FRMPD4: variants seen among roughly 807,000 people sequenced by gnomAD.
The protein encoded by FRMPD4 is FERM and PDZ domain containing 4.
A neutral mutation model predicts 94.1 loss-of-function variants in FRMPD4; 22 were observed. The ratio of observed to expected loss-of-function variants is 0.23; its 90% confidence interval spans 0.17 to 0.33. The LOEUF is 0.33. Ranked by LOEUF, FRMPD4 falls within the 10% of genes least tolerant of loss-of-function variation. The pLI is 1.00. For missense variants in FRMPD4, 1,111 were observed against 1,339.9 expected, an observed-to-expected ratio of 0.83 and a Z score of 2.67; for synonymous variants, 631 against 548.6, an observed-to-expected ratio of 1.15 and a Z score of -2.10.
At chrX:12,032,439 A>G (rs2054697439) in intron 3 of FRMPD4, among the ~76,000 whole-genome samples, 1 of 112,519 alleles carries the variant, frequency 8.9e-6, no homozygotes, top group South Asian at 3.7e-4. Context: ...CCTTTGATTT[A>G]GCAAGAAAGT....
chrX:12,594,521 C>T (rs761768447), intron 2 of FRMPD4, among the ~76,000 whole-genome samples: 1 of 110,498 alleles, frequency 9.0e-6, no homozygotes, highest in African/African-American at 3.3e-5. Flanking sequence ...CTGCAACCTC[C>T]GCCTCCCGGG....
At chrX:12,018,625 C>T (rs75371998) in intron 3 of FRMPD4, among the ~76,000 whole-genome samples, 1 of 110,028 alleles carries the variant, frequency 9.1e-6, no homozygotes, top group African/African-American at 3.3e-5. Context: ...CCATGTTGGC[C>T]GGGCTGGTCT....
chrX:12,642,850 C>A (rs979738533), intron 4 of FRMPD4, among the ~76,000 whole-genome samples: 26 of 112,141 alleles, frequency 2.3e-4, no homozygotes, highest in Non-Finnish European at 4.1e-4. Context: ...CTGCATTGAG[C>A]TGTGGTAGTG....
intron 5 of FRMPD4, among the ~76,000 whole-genome samples, chrX:12,678,845 C>G (rs1050618516): frequency 4.5e-5 from 5 of 112,211 alleles, no homozygotes; most frequent in Non-Finnish European, 9.4e-5. Context: ...AAAAGAGTTT[C>G]TACAACTTCC....
intron 3 of FRMPD4, among the ~76,000 whole-genome samples, chrX:11,962,802 A>G (rs148053438): frequency 0.01 from 1,153 of 112,016 alleles, 12 homozygotes; most frequent in African/African-American, 0.036. Context: ...AGCACCACAG[A>G]GCAGAATCTG....
At chrX:12,125,005 G>A (rs1205080270) in intron 3 of FRMPD4, among the ~76,000 whole-genome samples, 2 of 112,014 alleles carry the variant, frequency 1.8e-5, no homozygotes, top group Non-Finnish European at 3.8e-5. Context: ...TTTCATCCTC[G>A]TTTCCGTTGA....
chrX:12,531,003 G>C (rs937104901), intron 2 of FRMPD4, among the ~76,000 whole-genome samples: 4 of 111,581 alleles, frequency 3.6e-5, no homozygotes, highest in African/African-American at 1.3e-4. Flanking sequence ...GGACAGAACG[G>C]ATAGAAGGAA....
chrX:12,401,442 T>A (rs2056608011), intron 1 of FRMPD4, among the ~76,000 whole-genome samples: 1 of 111,159 alleles, frequency 9.0e-6, no homozygotes, highest in African/African-American at 3.3e-5. Context: ...GTGAGGACAG[T>A]CTGAGGACAG....
intron 2 of FRMPD4, among the ~76,000 whole-genome samples, chrX:11,867,797 T>G (rs910971795): frequency 9.0e-6 from 1 of 110,900 alleles, no homozygotes; most frequent in Non-Finnish European, 1.9e-5. Flanking sequence ...ACACCAGTCT[T>G]GTGCTTATTC....
intron 1 of FRMPD4, among the ~76,000 whole-genome samples, chrX:12,422,996 A>G (rs1027920698): frequency 9.0e-6 from 1 of 111,249 alleles, no homozygotes; most frequent in African/African-American, 3.3e-5. Context: ...TTGAGGGGAA[A>G]GGGTTTTCTT....
At chrX:12,419,908 G>A (rs762176690) in intron 1 of FRMPD4, among the ~76,000 whole-genome samples, 16 of 110,791 alleles carry the variant, frequency 1.4e-4, no homozygotes, top group Non-Finnish European at 2.3e-4. Context: ...AAAGGTTAAC[G>A]ACCTGTGGGG....
chrX:12,521,137 C>G (rs1369420719), intron 2 of FRMPD4, among the ~76,000 whole-genome samples: 1 of 112,371 alleles, frequency 8.9e-6, no homozygotes, highest in Non-Finnish European at 1.9e-5. Context: ...TATTCTTTAA[C>G]CACTAAAATA....
chrX:12,571,600 C>T (rs1449953752), intron 2 of FRMPD4, among the ~76,000 whole-genome samples: 1 of 112,798 alleles, frequency 8.9e-6, no homozygotes, highest in Non-Finnish European at 1.9e-5. Flanking sequence ...ATAATCAGGC[C>T]ATGTTCTGGC....
intron 4 of FRMPD4, among the ~76,000 whole-genome samples, chrX:12,653,528 A>G (rs767558032): frequency 8.9e-6 from 1 of 111,956 alleles, no homozygotes; most frequent in Non-Finnish European, 1.9e-5. Flanking sequence ...AGACAGGGGT[A>G]TTCAGGGCTC....
intron 3 of FRMPD4, among the ~76,000 whole-genome samples, chrX:12,039,634 A>T (rs1329142408): frequency 2.7e-5 from 3 of 110,990 alleles, no homozygotes; most frequent in African/African-American, 9.8e-5. Flanking sequence ...GTGGATCAGA[A>T]TATGATCTAT....
intron 3 of FRMPD4, among the ~76,000 whole-genome samples, chrX:11,914,364 A>C (rs766703672): frequency 1.9e-5 from 2 of 107,241 alleles, no homozygotes; most frequent in South Asian, 8.5e-4. Context: ...TCTGGGGCTG[A>C]AAACTCAAAT....
rs183392240 is a variant in FRMPD4 at position 12,398,967 on chromosome X, T to A, written c.42-99713T>A. ...AAAGTTGTATCAGTCCCTTTTTTTT[T>A]AAATTCATGTTTCCTGTTCCATATC... On this transcript the variant is annotated intron_variant, in intron 1 of 16. Coordinates refer to ENST00000675598, the MANE Select transcript of FRMPD4 (RefSeq NM_001368397.1). Among the ~76,000 whole-genome samples the A allele has an allele frequency of 8.1e-4, 90 of 111,218 alleles. 2 individuals are homozygous for A. In the East Asian group the frequency reaches 0.016, roughly 20 times the overall value.
chrX:12,398,246 A>G (rs1293514560), intron 1 of FRMPD4, among the ~76,000 whole-genome samples: 1 of 112,016 alleles, frequency 8.9e-6, no homozygotes, highest in Non-Finnish European at 1.9e-5. Flanking sequence ...TTTTTTTCTG[A>G]TTTTTAAAAT....
chrX:11,952,730 T>C (rs1601854110), intron 3 of FRMPD4, among the ~76,000 whole-genome samples: 1 of 112,250 alleles, frequency 8.9e-6, no homozygotes, highest in East Asian at 2.8e-4. Flanking sequence ...CCCTCTTCAC[T>C]AACACCTTCC....
Sources: gnomAD v4.1 joint callset for allele counts (sites outside exome capture counted in the v4.1 genomes callset) on GRCh38, gnomAD v4.1.1 for gene constraint, MANE v1.5 for transcripts, NCBI Gene and HGNC (gene_info 2026-07-23, HGNC 2026-07-21) for gene names.